The following PRSS23 variants were observed in gnomAD, a reference collection of about 807,000 sequenced individuals.
The protein encoded by PRSS23 is serine protease 23.
PRSS23 carries 25 observed loss-of-function variants against 34.7 expected under a neutral mutation model. The observed-to-expected ratio is 0.72, with a 90% confidence interval of 0.53 to 1.01. PRSS23 has a LOEUF of 1.01. PRSS23 is among the 50% of genes least tolerant of loss of function. PRSS23 has a pLI of 0.00. For missense variants in PRSS23, 445 were observed against 475.6 expected (o/e 0.94, Z 0.60); for synonymous variants, 176 against 186.6 (o/e 0.94, Z 0.46).
exon 3 of PRSS23, chr11:86,952,566 A>G: frequency 1.5e-6 from 2 of 1,354,666 alleles, no homozygotes; most frequent in South Asian, 2.4e-5. Context: ...CTTCCAGGCA[A>G]TCTAGGTATC....
intron 2 of PRSS23, among the ~76,000 whole-genome samples, chr11:86,928,557 C>CCCAGCTACTT (rs1949099233): frequency 6.8e-6 from 1 of 147,672 alleles, no homozygotes; most frequent in Non-Finnish European, 1.5e-5. Flanking sequence ...CACCTATAGT[C>CCCAGCTACTT]CCAGCTACTT....
chr11:86,833,078 G>C, intron 2 of PRSS23: 2 of 582,948 alleles, frequency 3.4e-6, no homozygotes, highest in Admixed American at 4.4e-5. Context: ...GAGGGTGACA[G>C]ATGGCTACAA....
intron 2 of PRSS23, among the ~76,000 whole-genome samples, chr11:86,852,420 G>T (rs1458952257): frequency 1.3e-5 from 2 of 152,162 alleles, no homozygotes; most frequent in Admixed American, 6.5e-5. Flanking sequence ...AGAAAAGTTA[G>T]TGTCCATTGA....
chr11:86,901,999 A>G (rs1171306386), intron 2 of PRSS23, among the ~76,000 whole-genome samples: 2 of 152,128 alleles, frequency 1.3e-5, no homozygotes, highest in Admixed American at 6.5e-5. Flanking sequence ...TCAAGGTAGA[A>G]ACTGGGTGTT....
In PRSS23 at chr11:86,875,199, G is replaced by C. The variant is rs2134952525; in HGVS notation, c.206+51606G>C. On this transcript the variant is annotated intron_variant, in intron 2 of 2. Transcript: ENST00000533902. ...ACCTTATGATGAGAAAGAATTTATA[G>C]GCATATTTTTAAAGTGCCACAATTA... Among the ~76,000 whole-genome samples the C allele has an allele frequency of 3.3e-5, 5 of 152,244 alleles. 1 individual carries two copies. The Middle Eastern group carries it at 0.017, about 518-fold the overall frequency.
chr11:86,874,462 G>T (rs1948709177), intron 2 of PRSS23, among the ~76,000 whole-genome samples: 1 of 152,196 alleles, frequency 6.6e-6, no homozygotes, highest in South Asian at 2.1e-4. Context: ...CTTGTATTCA[G>T]TGTAACACAG....
At chr11:86,915,323 T>C (rs576790578) in intron 2 of PRSS23, among the ~76,000 whole-genome samples, 3 of 152,212 alleles carry the variant, frequency 2.0e-5, no homozygotes, top group Non-Finnish European at 2.9e-5. Context: ...ATAGGTAGTG[T>C]TGGCTCAGGA....
chr11:86,838,973 C>T (rs1948427232), intron 2 of PRSS23, among the ~76,000 whole-genome samples: 1 of 152,008 alleles, frequency 6.6e-6, no homozygotes, highest in South Asian at 2.1e-4. Flanking sequence ...ATGAAAACCC[C>T]ATCTGTATGT....
intron 2 of PRSS23, chr11:86,892,302 C>T (rs1436141417): frequency 1.3e-5 from 2 of 152,296 alleles, no homozygotes; most frequent in Non-Finnish European, 2.9e-5. Context: ...TTGTCACTCC[C>T]TCTCTTTTCT....
intron 2 of PRSS23, among the ~76,000 whole-genome samples, chr11:86,827,070 A>G (rs934326844): frequency 1.3e-5 from 2 of 152,152 alleles, no homozygotes; most frequent in African/African-American, 4.8e-5. Flanking sequence ...AAGGAATGGT[A>G]CCAGTTCCTC....
At chr11:86,819,318 G>A (rs1008433902) in intron 1 of PRSS23, among the ~76,000 whole-genome samples, 1 of 152,110 alleles carries the variant, frequency 6.6e-6, no homozygotes, top group African/African-American at 2.4e-5. Flanking sequence ...ACCAAGAAAC[G>A]CAGTGCAAGA....
rs746517342 is a variant in PRSS23, at chr11:86,807,831, C to G, written c.188C>G (p.Ser63Cys). Residue 63 changes from serine to cysteine, a missense_variant, in exon 2 of 2, where the codon TCT becomes TGT. Transcript: ENST00000280258. ...GCCGAAGCCAAATTAGAAGTATCTT[C>G]TTCATGTGGACCCCAGTGTCATAAG... is the stretch of plus-strand genomic sequence containing the variant. The part of the protein sequence containing the change: ...FGAEAKLEVS[S>C]SCGPQCHKGT... The G allele has an allele frequency of 2.5e-6, 4 of 1,614,146 alleles. No homozygotes were observed. The highest frequency in any genetic ancestry group is 1.1e-5 in the South Asian group (1 of 91,074).
chr11:86,907,861 C>T (rs758034840), intron 2 of PRSS23, among the ~76,000 whole-genome samples: 2 of 148,254 alleles, frequency 1.3e-5, no homozygotes, highest in Admixed American at 6.9e-5. Flanking sequence ...AAACTTTATA[C>T]CCAGTTGAAT....
chr11:86,808,855 A>G lies in PRSS23; in HGVS notation c.*60A>G, dbSNP rs1206924684. 17 of 1,468,696 alleles carry G rather than the reference A, an allele frequency of 1.2e-5. No homozygotes were observed. Among genetic ancestry groups the G allele is most frequent in the Admixed American group, 4.1e-5 (2 of 48,514 alleles). The allele number at this position is 1,468,696 out of a possible 1,614,324, so 91.0% of individuals were successfully genotyped here. On this transcript the variant is annotated 3_prime_UTR_variant, in exon 2 of 2. Coordinates refer to ENST00000280258, the MANE Select transcript of PRSS23 (RefSeq NM_007173.6). ...TCATGTTCTTATTTTAGGAGAGGCCAAATTGTTTTTTGTCATTGGCGTGCA... is the reference window on the plus strand; with the variant it reads ...TCATGTTCTTATTTTAGGAGAGGCCGAATTGTTTTTTGTCATTGGCGTGCA...
intron 2 of PRSS23, among the ~76,000 whole-genome samples, chr11:86,825,918 G>A (rs936023528): frequency 6.6e-6 from 1 of 152,196 alleles, no homozygotes; most frequent in African/African-American, 2.4e-5. Flanking sequence ...GTAGGGTGAT[G>A]CCTCCAGCTT....
intron 2 of PRSS23, among the ~76,000 whole-genome samples, chr11:86,844,746 T>TATCATC (rs762175963): frequency 6.6e-6 from 1 of 152,242 alleles, no homozygotes; most frequent in Non-Finnish European, 1.5e-5. Flanking sequence ...TTATCATCTC[T>TATCATC]AGTTCTATGG....
At chr11:86,832,353 G>A (rs1049322459) in intron 2 of PRSS23, among the ~76,000 whole-genome samples, 1 of 152,058 alleles carries the variant, frequency 6.6e-6, no homozygotes, top group African/African-American at 2.4e-5. Context: ...TAATATCACA[G>A]TGGGTGTACT....
intron 2 of PRSS23, among the ~76,000 whole-genome samples, chr11:86,850,850 A>G (rs1948523636): frequency 6.6e-6 from 1 of 152,224 alleles, no homozygotes; most frequent in Non-Finnish European, 1.5e-5. Context: ...AATCTAAGAC[A>G]TGTCACAAAA....
At chr11:86,818,951 C>G (rs945324731) in intron 1 of PRSS23, among the ~76,000 whole-genome samples, 1 of 152,130 alleles carries the variant, frequency 6.6e-6, no homozygotes, top group African/African-American at 2.4e-5. Flanking sequence ...TACTTTCTTC[C>G]CTCTGTTAAC....
Sources: gnomAD v4.1 joint callset for allele counts (sites outside exome capture counted in the v4.1 genomes callset) on GRCh38, gnomAD v4.1.1 for gene constraint, MANE v1.5 for transcripts, NCBI Gene and HGNC (gene_info 2026-07-23, HGNC 2026-07-21) for gene names.